Variants in GLRX3 observed in about 807,000 individuals in gnomAD.
The protein encoded by GLRX3 is glutaredoxin-3.
A neutral mutation model predicts 49.5 loss-of-function variants in GLRX3; 22 were observed. That is an observed-to-expected ratio of 0.44 (90% CI 0.32 to 0.63). The LOEUF (loss-of-function observed/expected upper bound fraction) is 0.63, where lower values mean the gene tolerates loss of function less well. Among genes scored for constraint, GLRX3 ranks in the 30% least tolerant of loss-of-function variants. GLRX3 has a pLI of 0.05. For missense variants in GLRX3, 385 were observed against 396.3 expected, an observed-to-expected ratio of 0.97 and a Z score of 0.24; for synonymous variants, 133 against 140.0, an observed-to-expected ratio of 0.95 and a Z score of 0.35.
chr10:130,175,200 C>G (rs1187120528), intron 10 of GLRX3, 111 bp downstream of exon 10: 3 of 700,770 alleles, frequency 4.3e-6, no homozygotes, highest in East Asian at 2.7e-5. Context: ...CTGTTTCCAG[C>G]CTGACTCTCA....
At chr10:130,165,530 A>T (rs1433722789) in intron 4 of GLRX3, among the ~76,000 whole-genome samples, 6 of 152,192 alleles carry the variant, frequency 3.9e-5, no homozygotes, top group Admixed American at 2.6e-4. Context: ...AATAGTTTTA[A>T]AAAAGAAACT....
chr10:130,153,284 T>G (rs908504678), intron 2 of GLRX3, among the ~76,000 whole-genome samples: 1 of 152,238 alleles, frequency 6.6e-6, no homozygotes, highest in African/African-American at 2.4e-5. Context: ...ACCGATCTTC[T>G]GAATCCTGCT....
At chr10:130,162,707 G>A (rs1211038591) in intron 4 of GLRX3, among the ~76,000 whole-genome samples, 2 of 152,184 alleles carry the variant, frequency 1.3e-5, no homozygotes, top group Non-Finnish European at 2.9e-5. Context: ...TAATGAAAAG[G>A]CAGGTGGCAA....
At chr10:130,155,463 G>A (rs1467308455) in intron 2 of GLRX3, among the ~76,000 whole-genome samples, 1 of 152,204 alleles carries the variant, frequency 6.6e-6, no homozygotes, top group Non-Finnish European at 1.5e-5. Flanking sequence ...ATGAAATGAT[G>A]TCATGGTCTG....
intron 3 of GLRX3, 83 bp from the exon 4 acceptor site, chr10:130,160,713 T>C (rs1284527487): frequency 5.0e-6 from 4 of 798,626 alleles, no homozygotes; most frequent in Non-Finnish European, 8.8e-6. Flanking sequence ...CCGGTAATAC[T>C]GTTGTCCCCT....
chr10:130,144,192 G>A (rs1862226713), intron 1 of GLRX3, among the ~76,000 whole-genome samples: 1 of 151,348 alleles, frequency 6.6e-6, no homozygotes, highest in East Asian at 1.9e-4. Flanking sequence ...TTAGTAATGT[G>A]TCTACAACCA....
intron 10 of GLRX3, among the ~76,000 whole-genome samples, chr10:130,176,964 G>A (rs1001793395): frequency 1.3e-5 from 2 of 152,004 alleles, no homozygotes; most frequent in African/African-American, 4.8e-5. Context: ...AGCTGCGTGG[G>A]TAACTTCTTT....
intron 6 of GLRX3, among the ~76,000 whole-genome samples, chr10:130,167,529 A>G (rs998589319): frequency 2.0e-5 from 3 of 152,196 alleles, no homozygotes; most frequent in Non-Finnish European, 2.9e-5. Context: ...CTTGGCTTTT[A>G]GAGACGTTCT....
At chr10:130,144,328 A>G (rs1862230255) in intron 1 of GLRX3, among the ~76,000 whole-genome samples, 1 of 146,996 alleles carries the variant, frequency 6.8e-6, no homozygotes, top group South Asian at 2.1e-4. Flanking sequence ...TCTGGGATAC[A>G]TATGCAGAAT....
In GLRX3 at chr10:130,166,947, C is replaced by A; in HGVS notation, c.680C>A (p.Thr227Lys). The change falls in exon 6 of 11, where the codon ACA becomes AAA. Residue 227 changes from threonine (T) to lysine (K), a missense_variant. By Grantham distance (78) the Thr-to-Lys change is moderately conservative (BLOSUM62 -1). This residue lies in a region of GLRX3 where 374 missense variants were observed against 358.6 expected (regional missense o/e 1.04). Transcript: ENST00000331244. ...CTAGAAGCATCTGAAGAACTAGATA[C>A]AATTTGTCCCAAAGCTCCCAAATTA... The part of the protein sequence containing the change: ...KELEASEELD[T>K]ICPKAPKLEE... 1.9e-6 allele frequency: 3 copies of A among 1,597,094 alleles called. No individual in the cohort carries two copies. Among genetic ancestry groups the A allele is most frequent in the Non-Finnish European group, 2.6e-6 (3 of 1,170,802 alleles).
Position 130,166,683 on chromosome 10 carries a change from A to G in GLRX3, c.651+4A>G, listed in dbSNP as rs750405705. On this transcript the variant is annotated splice_donor_region_variant and intron_variant, in intron 5 of 10. Coordinates refer to ENST00000331244, the MANE Select transcript of GLRX3 (RefSeq NM_006541.5). ...AGGAGGACTTGATATAATTAAGGTT[A>G]GAATTGAGAAGTCTGTGCTTTGTAA... The G allele has an allele frequency of 4.6e-5, 72 of 1,570,032 alleles. No individual in the cohort carries two copies. Among genetic ancestry groups the G allele is most frequent in the Non-Finnish European group, 6.0e-5 (69 of 1,142,482 alleles).
chr10:130,160,288 G>A (rs1342539738), intron 3 of GLRX3, among the ~76,000 whole-genome samples: 1 of 152,212 alleles, frequency 6.6e-6, no homozygotes, highest in Non-Finnish European at 1.5e-5. Context: ...GGACTGTGTA[G>A]GGCCAGCAGC....
rs192511169 is a variant in GLRX3 at position 130,157,888 on chromosome 10, A to G, written c.202-2107A>G. On this transcript the variant is annotated intron_variant, in intron 2 of 10. Transcript: ENST00000331244. ...AAAAATATTTATATATTTATTTTCT[A>G]TTTTCATTGTTAAAACTGTTACATT... Among the ~76,000 whole-genome samples, 462 of 152,134 alleles carry G rather than the reference A, an allele frequency of 3.0e-3. 3 individuals are homozygous for G. The highest frequency in any genetic ancestry group is 9.8e-3 in the African/African-American group (408 of 41,518).
chr10:130,141,433 A>G (rs1335106221), intron 1 of GLRX3, among the ~76,000 whole-genome samples: 1 of 152,192 alleles, frequency 6.6e-6, no homozygotes, highest in African/African-American at 2.4e-5. Context: ...TCACAATTGT[A>G]TACACACCGA....
intron 1 of GLRX3, among the ~76,000 whole-genome samples, chr10:130,137,828 A>G (rs1590053556): frequency 6.6e-6 from 1 of 151,826 alleles, no homozygotes. Context: ...TCCGCCTCCC[A>G]GGCTCAAGTG....
At chr10:130,161,813 G>A (rs749360032) in intron 4 of GLRX3, among the ~76,000 whole-genome samples, 10 of 152,202 alleles carry the variant, frequency 6.6e-5, no homozygotes, top group Non-Finnish European at 1.3e-4. Flanking sequence ...GATAGGGGCA[G>A]TAACATTGAG....
At chr10:130,158,426 G>A (rs1862517684) in intron 2 of GLRX3, among the ~76,000 whole-genome samples, 1 of 152,006 alleles carries the variant, frequency 6.6e-6, no homozygotes, top group Non-Finnish European at 1.5e-5. Flanking sequence ...TATGAGTCAG[G>A]GTGCTACCTG....
chr10:130,151,002 A>G (rs1590061419), intron 2 of GLRX3, among the ~76,000 whole-genome samples: 1 of 149,944 alleles, frequency 6.7e-6, no homozygotes, highest in East Asian at 2.0e-4. Context: ...AACTCAGCTC[A>G]CTGCAACCTC....
chr10:130,158,289 T>G (rs991571000), intron 2 of GLRX3, among the ~76,000 whole-genome samples: 1 of 151,998 alleles, frequency 6.6e-6, no homozygotes, highest in Non-Finnish European at 1.5e-5. Context: ...CTTGGCTCAC[T>G]GCAACCTCTG....
Sources: gnomAD v4.1 joint callset for allele counts (sites outside exome capture counted in the v4.1 genomes callset) on GRCh38, gnomAD v4.1.1 for gene constraint, gnomAD v4.1.1 regional missense constraint, MANE v1.5 for transcripts, NCBI Gene and HGNC (gene_info 2026-07-23, HGNC 2026-07-21) for gene names.